Variants in TAFA2 observed in about 807,000 individuals in gnomAD.
The protein encoded by TAFA2 is chemokine-like protein TAFA-2.
Under a neutral mutation model 18.8 loss-of-function variants are expected in TAFA2, and 7 were observed. The ratio of observed to expected loss-of-function variants is 0.37; its 90% confidence interval spans 0.21 to 0.70. TAFA2 has a LOEUF of 0.70. Among genes scored for constraint, TAFA2 ranks in the 30% least tolerant of loss-of-function variants. The pLI, the probability that TAFA2 is intolerant of heterozygous loss-of-function variation, is 0.53. For synonymous variants in TAFA2, 60 were observed against 54.2 expected (o/e 1.11, Z -0.47); for missense variants, 122 against 158.1 (o/e 0.77, Z 1.23).
chr12:61,986,596 G>A (rs1879827644), intron 1 of TAFA2, among the ~76,000 whole-genome samples: 1 of 151,668 alleles, frequency 6.6e-6, no homozygotes, highest in African/African-American at 2.4e-5. Context: ...ACCACACCCG[G>A]TCCAAACGAT....
At chr12:61,741,676 G>A (rs1413106283) in intron 4 of TAFA2, among the ~76,000 whole-genome samples, 1 of 152,034 alleles carries the variant, frequency 6.6e-6, no homozygotes, top group African/African-American at 2.4e-5. Context: ...TGCCACTTCT[G>A]TACATGACAA....
At chr12:62,169,527 ATACAT>A (rs1252116413) in intron 1 of TAFA2, among the ~76,000 whole-genome samples, 1 of 152,176 alleles carries the variant, frequency 6.6e-6, no homozygotes, top group African/African-American at 2.4e-5. Context: ...AGAAGAGGTG[ATACAT>A]TAGACTTAGA....
intron 4 of TAFA2, among the ~76,000 whole-genome samples, chr12:61,733,394 T>C (rs1868254369): frequency 6.6e-6 from 1 of 152,158 alleles, no homozygotes; most frequent in Non-Finnish European, 1.5e-5. Context: ...TCTAGGGTTT[T>C]TATGGTTTTA....
chr12:62,223,718 A>G (rs1462086606), intron 1 of TAFA2, among the ~76,000 whole-genome samples: 1 of 152,226 alleles, frequency 6.6e-6, no homozygotes, highest in African/African-American at 2.4e-5. Context: ...GGATTTGGCA[A>G]TGATTTCTTG....
At chr12:61,718,564 C>CA (rs1191867305) in intron 4 of TAFA2, among the ~76,000 whole-genome samples, 2 of 152,030 alleles carry the variant, frequency 1.3e-5, no homozygotes, top group Non-Finnish European at 2.9e-5. Context: ...TGAAGACATT[C>CA]AAAAAATCCT....
intron 4 of TAFA2, among the ~76,000 whole-genome samples, chr12:61,720,531 C>A (rs10784253): frequency 0.52 from 79,377 of 151,864 alleles, 20,939 homozygotes; most frequent in East Asian, 0.6. Context: ...AATCCAATGC[C>A]TTTCTTTACT....
chr12:61,801,218 C>T (rs544409234), intron 2 of TAFA2, among the ~76,000 whole-genome samples: 3 of 152,056 alleles, frequency 2.0e-5, no homozygotes, highest in Non-Finnish European at 2.9e-5. Flanking sequence ...AGATTCAATG[C>T]AATCCTTATC....
At chr12:62,238,662 C>A (rs1298576765) in intron 1 of TAFA2, among the ~76,000 whole-genome samples, 1 of 152,172 alleles carries the variant, frequency 6.6e-6, no homozygotes, top group Admixed American at 6.5e-5. Context: ...GACCATCCCA[C>A]AAGATTTAGA....
At chr12:62,128,167 T>TTC (rs1870539565) in intron 1 of TAFA2, among the ~76,000 whole-genome samples, 3 of 152,082 alleles carry the variant, frequency 2.0e-5, no homozygotes, top group Admixed American at 1.3e-4. Flanking sequence ...TATCACTGCC[T>TTC]TCTAGGACAA....
At chr12:62,007,226 C>T (rs1880583032) in intron 1 of TAFA2, among the ~76,000 whole-genome samples, 1 of 152,204 alleles carries the variant, frequency 6.6e-6, no homozygotes, top group African/African-American at 2.4e-5. Context: ...TCTTTACACA[C>T]ATAGACACAC....
At chr12:61,764,474 A>G (rs1869702587) in intron 2 of TAFA2, among the ~76,000 whole-genome samples, 1 of 151,918 alleles carries the variant, frequency 6.6e-6, no homozygotes, top group Non-Finnish European at 1.5e-5. Context: ...GAGTGTTGAA[A>G]AGACAGATTC....
chr12:62,001,667 G>A (rs992037922), intron 1 of TAFA2, among the ~76,000 whole-genome samples: 2 of 152,078 alleles, frequency 1.3e-5, no homozygotes, highest in African/African-American at 4.8e-5. Context: ...TACAGACGAA[G>A]CTTCACTTGC....
chr12:62,167,688 C>T (rs1233220362), intron 1 of TAFA2, among the ~76,000 whole-genome samples: 3 of 152,078 alleles, frequency 2.0e-5, no homozygotes, highest in African/African-American at 7.2e-5. Context: ...AACATTCAAC[C>T]TAAAAAACAA....
chr12:61,714,621 A>T (rs1426545690), intron 4 of TAFA2, among the ~76,000 whole-genome samples: 1 of 152,230 alleles, frequency 6.6e-6, no homozygotes, highest in Non-Finnish European at 1.5e-5. Context: ...AATGACATAT[A>T]TGGTATTAGT....
intron 1 of TAFA2, among the ~76,000 whole-genome samples, chr12:62,015,398 T>G (rs1294106936): frequency 1.3e-5 from 2 of 152,172 alleles, no homozygotes; most frequent in Admixed American, 6.5e-5. Context: ...ATCACCACAC[T>G]CATTTTTAGA....
chr12:62,054,052 C>T, intron 1 of TAFA2, among the ~76,000 whole-genome samples: 1 of 152,164 alleles, frequency 6.6e-6, no homozygotes, highest in East Asian at 1.9e-4. Context: ...GTAGTTCAGA[C>T]AGGAGAAACA....
chr12:61,727,851 A>T (rs571464259), intron 4 of TAFA2, among the ~76,000 whole-genome samples: 36 of 151,920 alleles, frequency 2.4e-4, no homozygotes, highest in Non-Finnish European at 4.9e-4. Context: ...GCATTCAATG[A>T]CATGAACTTT....
At chr12:62,080,029 G>A (rs570865557) in intron 1 of TAFA2, among the ~76,000 whole-genome samples, 15 of 152,246 alleles carry the variant, frequency 9.9e-5, no homozygotes, top group African/African-American at 1.7e-4. Flanking sequence ...ATTCTCATCC[G>A]GAGCTCAAGT....
intron 1 of TAFA2, among the ~76,000 whole-genome samples, chr12:61,964,559 C>T (rs560792188): frequency 4.6e-5 from 7 of 151,756 alleles, no homozygotes; most frequent in Non-Finnish European, 1.0e-4. Context: ...TCTGCCCCTG[C>T]CCCAGGCTCC....
Sources: gnomAD v4.1 joint callset for allele counts (sites outside exome capture counted in the v4.1 genomes callset) on GRCh38, gnomAD v4.1.1 for gene constraint, MANE v1.5 for transcripts, NCBI Gene and HGNC (gene_info 2026-07-23, HGNC 2026-07-21) for gene names.